Variants in POP1 observed in about 807,000 individuals in gnomAD.
POP1 encodes POP1 ribonuclease P/MRP subunit, also known as ribonucleases P/MRP protein subunit POP1.
In POP1, 75 loss-of-function variants were observed where a neutral mutation model predicts 102.2. The ratio of observed to expected loss-of-function variants is 0.73; its 90% CI spans 0.61 to 0.89. The LOEUF is 0.89. Ranked by LOEUF, POP1 falls within the 40% of genes least tolerant of loss-of-function variation. The pLI is 0.00. For missense variants in POP1, 1,116 were observed against 1,267.4 expected (o/e 0.88, Z 1.81); for synonymous variants, 436 against 464.1 (o/e 0.94, Z 0.78).
intron 11 of POP1, among the ~76,000 whole-genome samples, chr8:98,145,066 T>C (rs62522194): frequency 0.13 from 19,223 of 151,968 alleles, 1,309 homozygotes; most frequent in Middle Eastern, 0.26. Context: ...TTTTGTATTT[T>C]CCTGTAGAGA....
rs776571354 is a variant in POP1 at position 98,135,837 on chromosome 8, C to T, written c.1012-645C>T. Among the ~76,000 whole-genome samples, 39 of 151,886 alleles carry T rather than the reference C, an allele frequency of 2.6e-4. 1 individual carries two copies. The highest frequency in any genetic ancestry group is 6.6e-5 in the Admixed American group (1 of 15,250). ...CCTCAGCCTCCCCGAGTAGCTTAGA[C>T]TACAGGGGTGCACCACCTTGTCCAG... On this transcript the variant is annotated intron_variant, in intron 7 of 15. Coordinates refer to ENST00000401707, the MANE Select transcript of POP1 (RefSeq NM_001145860.2).
intron 14 of POP1, among the ~76,000 whole-genome samples, chr8:98,151,212 G>C (rs1400173595): frequency 6.6e-6 from 1 of 152,040 alleles, no homozygotes; most frequent in Non-Finnish European, 1.5e-5. Context: ...CACCCGTGTA[G>C]CTGAGAGTAA....
intron 2 of POP1, among the ~76,000 whole-genome samples, chr8:98,124,433 G>C (rs1288684452): frequency 6.6e-6 from 1 of 152,060 alleles, no homozygotes; most frequent in African/African-American, 2.4e-5. Flanking sequence ...ATGGTGGTGT[G>C]TGCCTGTAGT....
chr8:98,140,587 C>T (rs1235575704), intron 10 of POP1, among the ~76,000 whole-genome samples, 182 bp from the exon 11 acceptor site: 1 of 152,114 alleles, frequency 6.6e-6, no homozygotes, highest in Non-Finnish European at 1.5e-5. Flanking sequence ...CAAGAAACCT[C>T]ATTCTTTATG....
chr8:98,137,462 C>A (rs1160760541), intron 9 of POP1, among the ~76,000 whole-genome samples: 1 of 152,052 alleles, frequency 6.6e-6, no homozygotes, highest in African/African-American at 2.4e-5. Flanking sequence ...ACCACCAGGC[C>A]CAGCTAGTAG....
chr8:98,147,589 G>T (rs1490418896), intron 12 of POP1, among the ~76,000 whole-genome samples: 1 of 152,148 alleles, frequency 6.6e-6, no homozygotes, highest in Non-Finnish European at 1.5e-5. Flanking sequence ...GGTTGGAGAT[G>T]GGGGGTGAGG....
intron 3 of POP1, among the ~76,000 whole-genome samples, chr8:98,128,150 A>G (rs1180218427): frequency 1.7e-4 from 26 of 152,178 alleles, no homozygotes; most frequent in Admixed American, 1.7e-3. Context: ...GGCCCTTTCC[A>G]TCCTCTTCTG....
rs1748985773 is a variant in POP1 at position 98,141,005 on chromosome 8, C to G, written c.1594+117C>G. The G allele has an allele frequency of 2.4e-6, 3 of 1,263,822 alleles. No homozygotes were observed. In the East Asian group the frequency reaches 7.1e-5, roughly 30 times the overall value. 78.3% of individuals were successfully genotyped at this position (1,263,822 alleles called of 1,614,324 possible). A position where few individuals can be genotyped will look rare whatever the true frequency, so the allele number is the denominator to read the frequency against. On this transcript the variant is annotated intron_variant, in intron 11 of 15. Coordinates refer to ENST00000401707, the MANE Select transcript of POP1 (RefSeq NM_001145860.2). The stretch of plus-strand genomic sequence containing the variant: ...TAACTTCATCTGTAAAAAATTAGGG[C>G]AGTCTCCTTACCTGCCCACTTTACA...
At chr8:98,150,929 A>T (rs1046527747) in intron 14 of POP1, among the ~76,000 whole-genome samples, 1 of 152,172 alleles carries the variant, frequency 6.6e-6, no homozygotes, top group African/African-American at 2.4e-5. Context: ...TTGTTAATAG[A>T]TTTCTACTAC....
intron 4 of POP1, among the ~76,000 whole-genome samples, 159 bp downstream of exon 4, chr8:98,128,699 G>T (rs1056960099): frequency 6.6e-6 from 1 of 152,166 alleles, no homozygotes; most frequent in African/African-American, 2.4e-5. Context: ...TGGTCAGATT[G>T]CTTGAGCCCA....
At position 98,133,877 on chromosome 8, in the gene POP1, G is replaced by C. The variant is rs974832984; in HGVS notation, c.736-72G>C. 2.9e-5 allele frequency: 32 copies of C among 1,116,882 alleles called. No homozygotes were observed. In the African/African-American group the frequency reaches 4.0e-4, roughly 14 times the overall value. The allele number at this position is 1,116,882 out of a possible 1,614,324, so 69.2% of individuals were successfully genotyped here. A position where few individuals can be genotyped will look rare whatever the true frequency, so the allele number is the denominator to read the frequency against. On this transcript the variant is annotated intron_variant, in intron 5 of 15. Transcript: ENST00000401707. The stretch of plus-strand genomic sequence containing the variant: ...TAGGCCTCTAAAGGTTTTGTGATAC[G>C]GCTTTTGGCTTCTTAGCAGTTTTGC...
chr8:98,156,179 ATCTCCAAATGG>A lies in POP1; in HGVS notation c.2189_2199del (p.Ser730Ter). 1.2e-6 allele frequency: 2 copies of A among 1,614,084 alleles called. No individual in the cohort carries two copies. Among genetic ancestry groups the A allele is most frequent in the Non-Finnish European group, 1.7e-6 (2 of 1,180,022 alleles). On this transcript the variant is annotated frameshift_variant, in exon 15 of 16. Transcript: ENST00000401707. LOFTEE classifies it high-confidence loss of function. ...CTTACGAAGAACCTTCTGTAGCTTC[ATCTCCAAATGG>A]TAAGGAGAGTGACCTAAGAAGATCT...
chr8:98,123,402 T>A lies in POP1; in HGVS notation c.65T>A (p.Leu22Gln). The A allele has an allele frequency of 1.9e-6, 3 of 1,614,142 alleles. No individual in the cohort carries two copies. Among genetic ancestry groups the A allele is most frequent in the South Asian group, 2.2e-5 (2 of 91,086 alleles). Residue 22 changes from leucine to glutamine, a missense_variant, in exon 2 of 16, where the codon CTG becomes CAG. Physicochemically the swap from Leu to Gln is moderately radical, Grantham distance 113. Coordinates refer to ENST00000401707, the MANE Select transcript of POP1 (RefSeq NM_001145860.2). ...KMRNQPTNVT[L>Q]SSGFVADRGV... ...AGAAACCAGCCTACCAATGTGACTC[T>A]GTCCTCTGGCTTTGTGGCTGACAGA...
intron 6 of POP1, 94 bp downstream of exon 6, chr8:98,134,130 CAT>C (rs1460113759): frequency 2.1e-6 from 2 of 964,188 alleles, no homozygotes; most frequent in Admixed American, 3.7e-5. Flanking sequence ...GGAATTCAAA[CAT>C]ATAGAAAAGT....
At position 98,123,345 on chromosome 8, in the gene POP1, A is replaced by G. The variant is rs188031074; in HGVS notation, c.8A>G (p.Asn3Ser). 3.5e-5 allele frequency: 56 copies of G among 1,613,694 alleles called. No homozygotes were observed. In the African/African-American group the frequency reaches 5.9e-4, roughly 17 times the overall value. Residue 3 changes from asparagine to serine, a missense_variant, in exon 2 of 16, where the codon AAT (asparagine) becomes AGT (serine). Asn to Ser is a conservative substitution (Grantham distance 46). Coordinates refer to ENST00000401707, the MANE Select transcript of POP1 (RefSeq NM_001145860.2). Reference sequence around the variant, plus strand: ...ATTACTTCCTTTCCAGAAATGTCAAATGCAAAAGAAAGAAAACACGCCAAG... The same window carrying G: ...ATTACTTCCTTTCCAGAAATGTCAAGTGCAAAAGAAAGAAAACACGCCAAG... MS[N>S]AKERKHAKKM...
chr8:98,129,960 C>A lies in POP1; in HGVS notation c.487-18C>A. ...GATTCTTACAAACTGGGATATGTCC[C>A]TCTACTTGAAACTATAGGCGGAGAA... On this transcript the variant is annotated intron_variant, in intron 4 of 15. Coordinates refer to ENST00000401707, the MANE Select transcript of POP1 (RefSeq NM_001145860.2). The A allele has an allele frequency of 6.2e-7, 1 of 1,613,466 alleles. No individual in the cohort carries two copies. Among genetic ancestry groups the A allele is most frequent in the Non-Finnish European group, 8.5e-7 (1 of 1,179,556 alleles).
chr8:98,134,269 A>G (rs577550325), intron 6 of POP1, among the ~76,000 whole-genome samples: 119 of 152,356 alleles, frequency 7.8e-4, no homozygotes, highest in Non-Finnish European at 8.8e-4. Flanking sequence ...TGAACTTGAC[A>G]GAAAGAAACT....
At chr8:98,134,802 A>T (rs1460379539) in intron 7 of POP1, 143 bp downstream of exon 7, 1 of 919,594 alleles carries the variant, frequency 1.1e-6, no homozygotes, top group African/African-American at 1.7e-5. Flanking sequence ...TGATTATTGA[A>T]TGAAGTGAAT....
chr8:98,119,106 A>G (rs1815938281), intron 1 of POP1, among the ~76,000 whole-genome samples: 1 of 152,258 alleles, frequency 6.6e-6, no homozygotes, highest in African/African-American at 2.4e-5. Context: ...TTGGAATTAT[A>G]CACAGCCTGA....
Sources: allele counts gnomAD v4.1 joint callset (sites outside exome capture counted in the v4.1 genomes callset), GRCh38; gene constraint gnomAD v4.1.1; transcripts MANE v1.5; gene names NCBI Gene and HGNC (gene_info 2026-07-23, HGNC 2026-07-21).